The following CAMSAP1 variants were observed in gnomAD, a reference collection of about 807,000 sequenced individuals.
CAMSAP1 encodes calmodulin-regulated spectrin-associated protein 1.
CAMSAP1 carries 58 observed loss-of-function variants against 143.5 expected under a neutral mutation model. The ratio of observed to expected loss-of-function variants is 0.40; its 90% CI spans 0.33 to 0.50. CAMSAP1 has a LOEUF of 0.50. Among genes scored for constraint, CAMSAP1 ranks in the 20% least tolerant of loss-of-function variants. CAMSAP1 has a pLI of 0.45. For missense variants in CAMSAP1, 1,969 were observed against 2,115.7 expected (o/e 0.93, Z 1.36); for synonymous variants, 945 against 859.3 (o/e 1.10, Z -1.74).
At position 135,827,577 on chromosome 9, in the gene CAMSAP1, T is replaced by A; in HGVS notation, c.1053A>T (p.Thr351=). The A allele has an allele frequency of 1.3e-6, 2 of 1,565,632 alleles. No homozygotes were observed. Among genetic ancestry groups the A allele is most frequent in the South Asian group, 1.2e-5 (1 of 86,468 alleles). Residue 351 remains threonine (T), a synonymous_variant, in exon 8 of 17, where the codon ACA becomes ACT. Transcript: ENST00000389532. The part of the protein sequence containing the change: ...RDVQELKDAK[T]VLHQKSSRPP... ...GCCGGCTGCTCTTCTGGTGTAACAC[T>A]GTTTTCGCTGCAGAAATAGCGTTTT...
rs1206437920 is a variant in CAMSAP1 at position 135,818,910 on chromosome 9, A to C, written c.3959+100T>G. 6.6e-7 allele frequency: 1 copy of C among 1,513,320 alleles called. No individual in the cohort carries two copies. Among genetic ancestry groups the C allele is most frequent in the Non-Finnish European group, 8.9e-7 (1 of 1,128,418 alleles). 93.7% of individuals were successfully genotyped at this position (1,513,320 alleles called of 1,614,324 possible). A position where few individuals can be genotyped will look rare whatever the true frequency, so the allele number is the denominator to read the frequency against. Reference sequence around the variant, plus strand: ...AGGAGTAAGACCGTCACAGGCACTCATTGCCATGGTCCATGCTCAGTGCCA... The same window carrying C: ...AGGAGTAAGACCGTCACAGGCACTCCTTGCCATGGTCCATGCTCAGTGCCA... On this transcript the variant is annotated intron_variant, in intron 12 of 16. Coordinates refer to ENST00000389532, the MANE Select transcript of CAMSAP1 (RefSeq NM_015447.4). This position sits in a 1 kb window ranked among gnomAD's most constrained non-coding sequence, Gnocchi z 7.7.
At chr9:135,885,523 T>G (rs1188894467) in intron 1 of CAMSAP1, among the ~76,000 whole-genome samples, 1 of 152,072 alleles carries the variant, frequency 6.6e-6, no homozygotes, top group African/African-American at 2.4e-5. Context: ...TGGCATTAGA[T>G]GGAAGCAGGG....
At position 135,882,748 on chromosome 9, in the gene CAMSAP1, G is replaced by C. The variant is rs1328563021; in HGVS notation, c.423+68C>G. 6.7e-7 allele frequency: 1 copy of C among 1,498,572 alleles called. No individual in the cohort carries two copies. The highest frequency in any genetic ancestry group is 1.4e-5 in the African/African-American group (1 of 72,344). The allele number at this position is 1,498,572 out of a possible 1,614,324, so 92.8% of individuals were successfully genotyped here. The stretch of plus-strand genomic sequence containing the variant: ...CCGTGTTCACACCATCCATGCACCA[G>C]GTGCGCCACACGAGAGCCCACGGCT... On this transcript the variant is annotated intron_variant, in intron 2 of 16. Coordinates refer to ENST00000389532, the MANE Select transcript of CAMSAP1 (RefSeq NM_015447.4). The surrounding 1 kb of genome is among the most constrained non-coding windows in gnomAD (Gnocchi z 4.9).
chr9:135,858,495 G>A (rs1026908053), intron 5 of CAMSAP1, among the ~76,000 whole-genome samples: 4 of 152,146 alleles, frequency 2.6e-5, no homozygotes, highest in Non-Finnish European at 1.5e-5. Flanking sequence ...TTTCCCCTAT[G>A]ATCCATGAAA....
At chr9:135,874,369 G>C (rs1265049364) in intron 3 of CAMSAP1, among the ~76,000 whole-genome samples, 4 of 151,508 alleles carry the variant, frequency 2.6e-5, no homozygotes, top group Non-Finnish European at 4.4e-5. Context: ...CTATTCAGCA[G>C]GCTGAGGCAG....
At chr9:135,815,835 G>A (rs568965230) in intron 15 of CAMSAP1, 55 bp downstream of exon 15, 30 of 1,394,378 alleles carry the variant, frequency 2.2e-5, no homozygotes, top group Non-Finnish European at 1.8e-5. Context: ...AAAGAGCCAC[G>A]CAAAGGCGTA....
chr9:135,828,056 C>G (rs1835737929), intron 7 of CAMSAP1, among the ~76,000 whole-genome samples: 1 of 152,262 alleles, frequency 6.6e-6, no homozygotes, highest in Non-Finnish European at 1.5e-5. Context: ...CTTCTCTAGA[C>G]CCAGCATGTG....
Position 135,882,941 on chromosome 9 carries a change from G to T in CAMSAP1, c.298C>A (p.Gln100Lys). The T allele has an allele frequency of 6.4e-7, 1 of 1,551,772 alleles. No homozygotes were observed. The highest frequency in any genetic ancestry group is 8.7e-7 in the Non-Finnish European group (1 of 1,147,010). ...RVCSLILKGD[Q>K]VAALQGHQSV... ...TGGTGTCCCTGTAAGGCGGCCACCT[G>T]GTCCCCTTTCAGGATGAGGCTGCAG... The change falls in exon 2 of 17, where the codon CAG (glutamine) becomes AAG (lysine). Residue 100 changes from glutamine (Q) to lysine (K), a missense_variant. This residue lies in a region of CAMSAP1 where 215 missense variants were observed against 196.2 expected (regional missense o/e 1.10). Coordinates refer to ENST00000389532, the MANE Select transcript of CAMSAP1 (RefSeq NM_015447.4). This position sits in a 1 kb window ranked among gnomAD's most constrained non-coding sequence, Gnocchi z 4.9.
intron 1 of CAMSAP1, among the ~76,000 whole-genome samples, chr9:135,887,804 G>A (rs981356072): frequency 2.7e-5 from 4 of 148,942 alleles, no homozygotes; most frequent in East Asian, 1.9e-4. Context: ...CAGGGCAGGG[G>A]CCCATGGAGA....
At chr9:135,836,032 A>G in intron 7 of CAMSAP1, 1 of 777,482 alleles carries the variant, frequency 1.3e-6, no homozygotes. Context: ...GCTATCCAAC[A>G]GACTCAAAAA....
chr9:135,892,493 G>A (rs1838317960), intron 1 of CAMSAP1, among the ~76,000 whole-genome samples: 1 of 152,070 alleles, frequency 6.6e-6, no homozygotes. Context: ...TGCATCACTT[G>A]AGCCCAGGAG....
At chr9:135,905,120 CCA>C (rs1838737157) in intron 1 of CAMSAP1, among the ~76,000 whole-genome samples, 1 of 152,152 alleles carries the variant, frequency 6.6e-6, no homozygotes, top group African/African-American at 2.4e-5. Context: ...CTTTAAATGC[CCA>C]CCTTTTAATA....
Position 135,907,401 on chromosome 9 carries a change from G to T in CAMSAP1, c.-242C>A, listed in dbSNP as rs1838820062. On this transcript the variant is annotated 5_prime_UTR_variant, in exon 1 of 17. Transcript: ENST00000389532. Reference sequence around the variant, plus strand: ...TGCCGAGCCCGCGGCCCAAAGAGGCGGCGGCAGGAGGGCGCGGGCCGGGGG... The same window carrying T: ...TGCCGAGCCCGCGGCCCAAAGAGGCTGCGGCAGGAGGGCGCGGGCCGGGGG... 6.8e-6 allele frequency among the ~76,000 whole-genome samples: 1 copy of T among 146,172 alleles called. No homozygotes were observed. The highest frequency in any genetic ancestry group is 2.5e-5 in the African/African-American group (1 of 40,790).
At chr9:135,842,780 C>G (rs898818381) in intron 7 of CAMSAP1, among the ~76,000 whole-genome samples, 8 of 152,184 alleles carry the variant, frequency 5.3e-5, no homozygotes, top group African/African-American at 1.9e-4. Flanking sequence ...CCTTTACAGA[C>G]AAGCAAATGC....
chr9:135,830,599 C>T (rs543481301), intron 7 of CAMSAP1, among the ~76,000 whole-genome samples: 1 of 152,162 alleles, frequency 6.6e-6, no homozygotes, highest in South Asian at 2.1e-4. Flanking sequence ...GCTTCAATAC[C>T]CCACTTTAAA....
intron 7 of CAMSAP1, among the ~76,000 whole-genome samples, chr9:135,830,741 G>A (rs995019548): frequency 6.6e-6 from 1 of 152,120 alleles, no homozygotes; most frequent in Non-Finnish European, 1.5e-5. Flanking sequence ...AGCAGAATAC[G>A]TATTTTTCTC....
At chr9:135,858,265 G>T (rs1410596617) in intron 5 of CAMSAP1, among the ~76,000 whole-genome samples, 1 of 151,480 alleles carries the variant, frequency 6.6e-6, no homozygotes, top group Non-Finnish European at 1.5e-5. Flanking sequence ...CTCCTTGTTT[G>T]GGAGTGACTT....
In CAMSAP1 at chr9:135,818,358, C is replaced by T. The variant is rs1180855792; in HGVS notation, c.4168+50G>A. 4.6e-6 allele frequency: 7 copies of T among 1,505,910 alleles called. No homozygotes were observed. In the Middle Eastern group the frequency reaches 6.7e-4, roughly 144 times the overall value. 93.3% of individuals were successfully genotyped at this position (1,505,910 alleles called of 1,614,324 possible). ...TGAAATGAGCTGAAGAACGTGAGGC[C>T]GCCGCCCGCGGAAGGAAGCGCTGCC... is the stretch of plus-strand genomic sequence containing the variant. On this transcript the variant is annotated intron_variant, in intron 13 of 16. Coordinates refer to ENST00000389532, the MANE Select transcript of CAMSAP1 (RefSeq NM_015447.4). This position sits in a 1 kb window ranked among gnomAD's most constrained non-coding sequence, Gnocchi z 7.7.
intron 1 of CAMSAP1, among the ~76,000 whole-genome samples, chr9:135,888,334 C>T (rs1218077921): frequency 1.3e-5 from 2 of 152,206 alleles, no homozygotes; most frequent in East Asian, 1.9e-4. Context: ...AGCCCTCCCG[C>T]GGCACCTGCA....
Sources: allele counts gnomAD v4.1 joint callset (sites outside exome capture counted in the v4.1 genomes callset), GRCh38; gene constraint gnomAD v4.1.1; regional missense constraint gnomAD v4.1.1; non-coding constraint Gnocchi (gnomAD v3.1); transcripts MANE v1.5; gene names NCBI Gene and HGNC (gene_info 2026-07-23, HGNC 2026-07-21).